SNX18: variants seen among roughly 807,000 people sequenced by gnomAD.
The protein encoded by SNX18 is sorting nexin 18, also known as sorting nexin-18.
SNX18 carries 35 observed loss-of-function variants against 48.7 expected under a neutral mutation model. That is an observed-to-expected ratio of 0.72 (90% CI 0.55 to 0.95). The LOEUF is 0.95. Among genes scored for constraint, SNX18 ranks in the 40% least tolerant of loss-of-function variants. The pLI, the probability that SNX18 is intolerant of heterozygous loss-of-function variation, is 0.00. For missense variants in SNX18, 824 were observed against 871.0 expected, an observed-to-expected ratio of 0.95 and a Z score of 0.68; for synonymous variants, 492 against 384.7, an observed-to-expected ratio of 1.28 and a Z score of -3.26.
At chr5:54,567,003 T>TTAAGTGGA in the SNX18 span, among the ~76,000 whole-genome samples, 1 of 152,322 alleles carries the variant, frequency 6.6e-6, no homozygotes, top group Admixed American at 6.5e-5. Context: ...CTGTCAGCCC[T>TTAAGTGGA]TAAGTGGATT....
the SNX18 span, among the ~76,000 whole-genome samples, chr5:54,643,400 C>T: frequency 3.9e-5 from 6 of 152,208 alleles, no homozygotes; most frequent in East Asian, 1.9e-4. Context: ...AAAACACATT[C>T]AATTTATAGC....
At chr5:54,616,705 A>G in the SNX18 span, among the ~76,000 whole-genome samples, 1 of 152,108 alleles carries the variant, frequency 6.6e-6, no homozygotes, top group Non-Finnish European at 1.5e-5. Context: ...GGAGGCCGAT[A>G]TGGCAGTAAG....
At chr5:54,537,762 C>T (rs191255183) in intron 1 of SNX18, among the ~76,000 whole-genome samples, 1 of 152,200 alleles carries the variant, frequency 6.6e-6, no homozygotes, top group East Asian at 1.9e-4. Context: ...ATATTGATTC[C>T]ATCATGAAAA....
At chr5:54,577,896 A>G in the SNX18 span, among the ~76,000 whole-genome samples, 1 of 152,246 alleles carries the variant, frequency 6.6e-6, no homozygotes, top group Non-Finnish European at 1.5e-5. Context: ...GGGAGGGTCC[A>G]CAGTGTGAAG....
At chr5:54,535,089 T>C (rs566926863) in intron 1 of SNX18, among the ~76,000 whole-genome samples, 2 of 152,258 alleles carry the variant, frequency 1.3e-5, no homozygotes, top group South Asian at 4.1e-4. Context: ...TTAAATTCTT[T>C]TGTTTTCATT....
the SNX18 span, among the ~76,000 whole-genome samples, chr5:54,629,236 G>A: frequency 6.6e-6 from 1 of 152,336 alleles, no homozygotes; most frequent in South Asian, 2.1e-4. Flanking sequence ...ATCAGGGTAT[G>A]ATCACAGCTA....
chr5:54,535,245 A>G (rs1406654257), intron 1 of SNX18, among the ~76,000 whole-genome samples: 1 of 152,208 alleles, frequency 6.6e-6, no homozygotes, highest in African/African-American at 2.4e-5. Context: ...CATTGGTTAG[A>G]TACAAAGAAA....
At chr5:54,643,096 G>C in the SNX18 span, among the ~76,000 whole-genome samples, 1 of 152,092 alleles carries the variant, frequency 6.6e-6, no homozygotes, top group Non-Finnish European at 1.5e-5. Context: ...TATAAAGGGA[G>C]GGGGGATAAC....
the SNX18 span, among the ~76,000 whole-genome samples, chr5:54,605,135 C>G: frequency 6.6e-6 from 1 of 152,132 alleles, no homozygotes; most frequent in Non-Finnish European, 1.5e-5. Context: ...AGCATGAGGG[C>G]TGACTTCTAC....
chr5:54,629,917 A>G, the SNX18 span, among the ~76,000 whole-genome samples: 2 of 152,238 alleles, frequency 1.3e-5, no homozygotes, highest in Non-Finnish European at 2.9e-5. Flanking sequence ...CTTGCATTAT[A>G]GGAGGAAAAT....
the SNX18 span, among the ~76,000 whole-genome samples, chr5:54,615,853 T>C: frequency 6.6e-6 from 1 of 152,206 alleles, no homozygotes; most frequent in African/African-American, 2.4e-5. Context: ...TAGTGGCATG[T>C]TGATTAACAT....
the SNX18 span, among the ~76,000 whole-genome samples, chr5:54,639,586 G>A: frequency 1.4e-5 from 2 of 138,674 alleles, no homozygotes; most frequent in Non-Finnish European, 3.1e-5. Context: ...AGGAGGTAAG[G>A]ACTATTTTTA....
intron 1 of SNX18, among the ~76,000 whole-genome samples, chr5:54,539,900 TC>T (rs1762432019): frequency 6.6e-6 from 1 of 152,120 alleles, no homozygotes; most frequent in South Asian, 2.1e-4. Context: ...AGATGGAGTT[TC>T]GCTCTTGTTG....
At chr5:54,593,357 G>A in the SNX18 span, among the ~76,000 whole-genome samples, 8 of 152,116 alleles carry the variant, frequency 5.3e-5, no homozygotes, top group Non-Finnish European at 7.3e-5. Context: ...GATTGGAGTG[G>A]GGAGAAACTA....
chr5:54,581,635 T>G, the SNX18 span, among the ~76,000 whole-genome samples: 4 of 152,108 alleles, frequency 2.6e-5, no homozygotes, highest in Non-Finnish European at 1.5e-5. Flanking sequence ...GTGTTTACCA[T>G]CATTCAACAG....
the SNX18 span, chr5:54,644,280 T>C: frequency 6.6e-6 from 1 of 152,072 alleles, no homozygotes; most frequent in African/African-American, 2.4e-5. Context: ...CAGCCAAGAG[T>C]GATGATAGCT....
chr5:54,527,223 A>G (rs1423443884), intron 1 of SNX18, among the ~76,000 whole-genome samples: 1 of 152,190 alleles, frequency 6.6e-6, no homozygotes, highest in Non-Finnish European at 1.5e-5. Flanking sequence ...GTCCAGAGCA[A>G]TGAGAATAGA....
chr5:54,553,231 T>A, the SNX18 span, among the ~76,000 whole-genome samples: 10 of 152,292 alleles, frequency 6.6e-5, no homozygotes, highest in African/African-American at 2.4e-4. Context: ...ATGATCTGCC[T>A]CGTGTGACAA....
chr5:54,596,054 G>A, the SNX18 span, among the ~76,000 whole-genome samples: 2 of 152,100 alleles, frequency 1.3e-5, no homozygotes, highest in East Asian at 1.9e-4. Flanking sequence ...TGGTCAGAGT[G>A]GGTGTCAACC....
Sources: allele counts gnomAD v4.1 joint callset (sites outside exome capture counted in the v4.1 genomes callset), GRCh38; gene constraint gnomAD v4.1.1; transcripts MANE v1.5; gene names NCBI Gene and HGNC (gene_info 2026-07-23, HGNC 2026-07-21).